The following AGTPBP1 variants were observed in gnomAD, a reference collection of about 807,000 sequenced individuals.
The protein encoded by AGTPBP1 is cytosolic carboxypeptidase 1.
In AGTPBP1, 70 loss-of-function variants were observed where a neutral mutation model predicts 143.9. The ratio of observed to expected loss-of-function variants is 0.49; its 90% CI spans 0.40 to 0.59. The LOEUF (loss-of-function observed/expected upper bound fraction) is 0.59. Ranked by LOEUF, AGTPBP1 falls within the 20% of genes least tolerant of loss-of-function variation. The pLI is 0.00. For missense variants in AGTPBP1, 1,229 were observed against 1,464.5 expected, an observed-to-expected ratio of 0.84 and a Z score of 2.62; for synonymous variants, 463 against 500.2, an observed-to-expected ratio of 0.93 and a Z score of 0.99.
chr9:85,621,585 G>A (rs1295825770), intron 14 of AGTPBP1, among the ~76,000 whole-genome samples: 1 of 151,882 alleles, frequency 6.6e-6, no homozygotes, highest in Non-Finnish European at 1.5e-5. Context: ...GAAATGGTGT[G>A]GTTTCGCTAT....
At chr9:85,610,045 C>G (rs1420710625) in intron 17 of AGTPBP1, among the ~76,000 whole-genome samples, 3 of 152,164 alleles carry the variant, frequency 2.0e-5, no homozygotes, top group Non-Finnish European at 4.4e-5. Flanking sequence ...CTAATCCATT[C>G]TAGGGAGGCA....
chr9:85,694,221 T>C (rs1836084929), intron 2 of AGTPBP1, among the ~76,000 whole-genome samples: 1 of 152,156 alleles, frequency 6.6e-6, no homozygotes, highest in Non-Finnish European at 1.5e-5. Context: ...CAAAGAACAA[T>C]CCACTCGTAC....
intron 11 of AGTPBP1, 75 bp from the exon 12 acceptor site, chr9:85,646,493 ACT>A: frequency 1.0e-6 from 1 of 996,186 alleles, no homozygotes; most frequent in African/African-American, 1.6e-5. Flanking sequence ...GTAGAATGTG[ACT>A]TATATAAAGT....
chr9:85,746,849 G>T (rs1476553179), upstream of AGTPBP1, among the ~76,000 whole-genome samples: 1 of 151,794 alleles, frequency 6.6e-6, no homozygotes, highest in African/African-American at 2.4e-5. Context: ...ACATCATGTT[G>T]TATACCTTAC....
the AGTPBP1 span, among the ~76,000 whole-genome samples, chr9:85,794,401 C>T: frequency 2.0e-5 from 3 of 152,102 alleles, no homozygotes; most frequent in African/African-American, 7.2e-5. Context: ...TGTGTCAATA[C>T]AATTTGTTGA....
chr9:85,661,080 T>C, intron 8 of AGTPBP1, 107 bp from the exon 9 acceptor site: 1 of 942,718 alleles, frequency 1.1e-6, no homozygotes, highest in Non-Finnish European at 1.5e-6. Flanking sequence ...TATTATCTAT[T>C]CCAAAGTTTA....
the AGTPBP1 span, chr9:85,756,050 A>ATT: frequency 1.4e-6 from 2 of 1,397,668 alleles, no homozygotes; most frequent in Non-Finnish European, 1.9e-6. Context: ...AAAACAAGTA[A>ATT]TTTTTTTTTT....
At chr9:85,756,642 T>C in the AGTPBP1 span, among the ~76,000 whole-genome samples, 1 of 152,156 alleles carries the variant, frequency 6.6e-6, no homozygotes, top group East Asian at 1.9e-4. Context: ...ACACAAAAAC[T>C]TGAACATGAA....
At chr9:85,569,664 G>A (rs1272452012) in intron 25 of AGTPBP1, among the ~76,000 whole-genome samples, 1 of 152,094 alleles carries the variant, frequency 6.6e-6, no homozygotes, top group Non-Finnish European at 1.5e-5. Flanking sequence ...ATAGCTGTAC[G>A]CTAGTAGCGT....
At chr9:85,590,529 T>C (rs1828893517) in intron 19 of AGTPBP1, among the ~76,000 whole-genome samples, 1 of 152,206 alleles carries the variant, frequency 6.6e-6, no homozygotes, top group South Asian at 2.1e-4. Context: ...GCCTATGTTC[T>C]TTCACAAATC....
intron 25 of AGTPBP1, among the ~76,000 whole-genome samples, chr9:85,548,495 C>T (rs374485263): frequency 1.3e-5 from 2 of 152,128 alleles, no homozygotes; most frequent in Admixed American, 6.5e-5. Flanking sequence ...ATAGAGTAGT[C>T]CAAATAAATC....
chr9:85,568,511 G>A (rs1827252348), intron 25 of AGTPBP1, among the ~76,000 whole-genome samples: 1 of 152,122 alleles, frequency 6.6e-6, no homozygotes, highest in South Asian at 2.1e-4. Context: ...ACTTACGCTG[G>A]ACCTCAGAGA....
intron 11 of AGTPBP1, among the ~76,000 whole-genome samples, chr9:85,649,207 A>C: frequency 6.6e-6 from 1 of 152,232 alleles, no homozygotes; most frequent in Admixed American, 6.5e-5. Flanking sequence ...TCAGTAGGAC[A>C]CTAGTTAGAT....
chr9:85,665,275 T>C lies in AGTPBP1; in HGVS notation c.662+4210A>G, dbSNP rs570470892. ...ACAAACACAAAAGGGGAGAGTGCCA[T>C]GTGATGATGGAGGCAAAAACCGAAA... On this transcript the variant is annotated intron_variant, in intron 8 of 25. Transcript: ENST00000357081. 7.9e-5 allele frequency among the ~76,000 whole-genome samples: 12 copies of C among 152,154 alleles called. No homozygotes were observed. In the East Asian group the frequency reaches 1.9e-3, roughly 25 times the overall value.
rs573902287 is a variant in AGTPBP1, at chr9:85,573,622, C to T, written c.3503+1693G>A. On this transcript the variant is annotated intron_variant, in intron 25 of 25. Coordinates refer to ENST00000357081, the MANE Select transcript of AGTPBP1 (RefSeq NM_001330701.2). ...GCTGCCCAGTCTGGAAAGTGAGGAG[C>T]GTCTCTGCCCGCCCGCCATCCCATC... Among the ~76,000 whole-genome samples the T allele has an allele frequency of 2.0e-4, 30 of 149,904 alleles. No homozygotes were observed. In the East Asian group the frequency reaches 4.6e-3, roughly 23 times the overall value.
intron 25 of AGTPBP1, among the ~76,000 whole-genome samples, chr9:85,566,430 C>CTGGAGATGGGAG (rs1827098422): frequency 6.8e-6 from 1 of 147,200 alleles, no homozygotes; most frequent in South Asian, 2.2e-4. Flanking sequence ...CTTAGGAGGC[C>CTGGAGATGGGAG]GAGATGGGAG....
chr9:85,622,158 T>C (rs1203872836), intron 14 of AGTPBP1, among the ~76,000 whole-genome samples: 3 of 152,224 alleles, frequency 2.0e-5, no homozygotes, highest in Admixed American at 1.3e-4. Context: ...AAGGTGATTA[T>C]ATGCACTGAT....
In AGTPBP1 at chr9:85,547,168, G is replaced by T; in HGVS notation, c.3622C>A (p.Pro1208Thr). 2 of 1,613,176 alleles carry T rather than the reference G, an allele frequency of 1.2e-6. No homozygotes were observed. Among genetic ancestry groups the T allele is most frequent in the South Asian group, 2.2e-5 (2 of 90,952 alleles). The change falls in exon 26 of 26, where the codon CCT becomes ACT. Residue 1208 changes from proline (P) to threonine (T), a missense_variant. This residue lies in a region of AGTPBP1 where 486 missense variants were observed against 652.3 expected (regional missense o/e 0.75). Transcript: ENST00000357081. ...GAAAGTACTTCTTCTTGAGCAGAAG[G>T]TTCATAATCTCCTACATTTTCAGCC... ...ELAENVGDYE[P>T]SAQEEVLSDS...
At chr9:85,778,551 T>C in the AGTPBP1 span, among the ~76,000 whole-genome samples, 1 of 152,188 alleles carries the variant, frequency 6.6e-6, no homozygotes, top group African/African-American at 2.4e-5. Context: ...AGCCTTCTCC[T>C]GTTGTGGACC....
Sources: allele counts gnomAD v4.1 joint callset (sites outside exome capture counted in the v4.1 genomes callset), GRCh38; gene constraint gnomAD v4.1.1; regional missense constraint gnomAD v4.1.1; transcripts MANE v1.5; gene names NCBI Gene and HGNC (gene_info 2026-07-23, HGNC 2026-07-21).